Variants in GPM6A observed in about 807,000 individuals in gnomAD.
GPM6A encodes neuronal membrane glycoprotein M6-a.
Under a neutral mutation model 32.1 loss-of-function variants are expected in GPM6A, and 7 were observed. That is an observed-to-expected ratio of 0.22 (90% confidence interval 0.12 to 0.41). The LOEUF (loss-of-function observed/expected upper bound fraction) is 0.41, where lower values mean the gene tolerates loss of function less well. Ranked by LOEUF, GPM6A falls within the 10% of genes least tolerant of loss-of-function variation. GPM6A has a pLI of 1.00. For synonymous variants in GPM6A, 130 were observed against 123.4 expected, an observed-to-expected ratio of 1.05 and a Z score of -0.35; for missense variants, 235 against 347.2, an observed-to-expected ratio of 0.68 and a Z score of 2.57.
At chr4:175,645,949 C>G (rs377759128) in intron 4 of GPM6A, among the ~76,000 whole-genome samples, 1 of 152,172 alleles carries the variant, frequency 6.6e-6, no homozygotes, top group African/African-American at 2.4e-5. Flanking sequence ...CTTCCCCTGG[C>G]TCTAGGGGGG....
intron 1 of GPM6A, chr4:175,806,002 G>A (rs966785273): frequency 6.6e-6 from 1 of 152,172 alleles, no homozygotes; most frequent in African/African-American, 2.4e-5. Flanking sequence ...GGAAAAACAT[G>A]AATTATTTTT....
At chr4:175,968,959 T>C (rs1392874620) in intron 1 of GPM6A, among the ~76,000 whole-genome samples, 1 of 152,206 alleles carries the variant, frequency 6.6e-6, no homozygotes, top group Non-Finnish European at 1.5e-5. Context: ...TACACAAAAT[T>C]TATGGATATT....
chr4:175,975,674 T>C (rs974559223), intron 1 of GPM6A, among the ~76,000 whole-genome samples: 3 of 152,212 alleles, frequency 2.0e-5, no homozygotes, highest in South Asian at 2.1e-4. Context: ...CATTATTAGT[T>C]CTTATTGCAC....
intron 3 of GPM6A, among the ~76,000 whole-genome samples, chr4:175,653,242 A>C (rs1741902666): frequency 1.3e-5 from 2 of 152,154 alleles, no homozygotes; most frequent in Admixed American, 1.3e-4. Context: ...TATTGGGATT[A>C]AGGATAGCAA....
At chr4:175,664,434 A>T (rs1168794574) in intron 3 of GPM6A, among the ~76,000 whole-genome samples, 1 of 152,224 alleles carries the variant, frequency 6.6e-6, no homozygotes, top group African/African-American at 2.4e-5. Context: ...GCACATATGT[A>T]AGAAAAAGGA....
chr4:175,706,028 A>C (rs1745168824), intron 1 of GPM6A, among the ~76,000 whole-genome samples: 1 of 152,210 alleles, frequency 6.6e-6, no homozygotes, highest in Non-Finnish European at 1.5e-5. Context: ...ACTTTCCAAA[A>C]TGAAATAATA....
At chr4:175,775,014 G>A (rs1443478692) in intron 1 of GPM6A, among the ~76,000 whole-genome samples, 1 of 152,022 alleles carries the variant, frequency 6.6e-6, no homozygotes, top group Non-Finnish European at 1.5e-5. Context: ...ATAATATCAG[G>A]ATATAAGGTG....
intron 2 of GPM6A, among the ~76,000 whole-genome samples, chr4:175,695,499 T>G (rs1198862721): frequency 1.3e-5 from 2 of 152,216 alleles, no homozygotes; most frequent in East Asian, 3.8e-4. Context: ...AGCTTTAATA[T>G]TTAATGACTA....
chr4:175,714,241 A>G (rs957491832), intron 1 of GPM6A, among the ~76,000 whole-genome samples: 2 of 152,214 alleles, frequency 1.3e-5, no homozygotes, highest in Admixed American at 6.5e-5. Flanking sequence ...CAGGATATGC[A>G]TGTTAATACA....
chr4:175,671,809 T>C (rs1328842012), intron 3 of GPM6A, among the ~76,000 whole-genome samples: 1 of 152,168 alleles, frequency 6.6e-6, no homozygotes, highest in South Asian at 2.1e-4. Flanking sequence ...ATGCAGCTCC[T>C]ACTCCTGTCT....
intron 1 of GPM6A, among the ~76,000 whole-genome samples, chr4:175,945,612 A>G (rs949530585): frequency 2.6e-5 from 4 of 151,472 alleles, no homozygotes. Flanking sequence ...ATAACTTATA[A>G]GAAACATGTT....
At chr4:175,955,897 T>C (rs1249118696) in intron 1 of GPM6A, among the ~76,000 whole-genome samples, 1 of 152,212 alleles carries the variant, frequency 6.6e-6, no homozygotes, top group Non-Finnish European at 1.5e-5. Context: ...GAGCCCATTG[T>C]GTGTATCTCT....
rs367718968 is a variant in GPM6A, at chr4:175,640,842, G to A, written c.542-13C>T. ...ATTGTCACAATTCCTACAATGTGTG[G>A]GAAATGACAGTTTAGCAGTATAAAT... is the stretch of plus-strand genomic sequence containing the variant. On this transcript the variant is annotated splice_polypyrimidine_tract_variant and intron_variant, in intron 4 of 6. Transcript: ENST00000393658. 2.4e-5 allele frequency: 37 copies of A among 1,526,608 alleles called. No homozygotes were observed. The highest frequency in any genetic ancestry group is 1.7e-4 in the Middle Eastern group (1 of 5,884). The allele number at this position is 1,526,608 out of a possible 1,614,324, so 94.6% of individuals were successfully genotyped here.
intron 1 of GPM6A, among the ~76,000 whole-genome samples, chr4:175,955,698 C>T (rs1235707583): frequency 6.6e-6 from 1 of 152,130 alleles, no homozygotes; most frequent in East Asian, 1.9e-4. Flanking sequence ...TCATTCCAAG[C>T]AGTAACAACA....
At chr4:175,914,187 G>T (rs1242923335) in intron 1 of GPM6A, among the ~76,000 whole-genome samples, 3 of 152,302 alleles carry the variant, frequency 2.0e-5, no homozygotes, top group South Asian at 2.1e-4. Context: ...ATGTAGTGAG[G>T]TGAGTTGTCA....
At chr4:175,739,128 T>C (rs1342728780) in intron 1 of GPM6A, among the ~76,000 whole-genome samples, 1 of 152,182 alleles carries the variant, frequency 6.6e-6, no homozygotes, top group Admixed American at 6.5e-5. Context: ...GAAGATACTT[T>C]ATTTTAGTTT....
At chr4:175,807,616 T>C (rs535665019) in intron 1 of GPM6A, 6 of 152,336 alleles carry the variant, frequency 3.9e-5, no homozygotes, top group African/African-American at 1.4e-4. Context: ...AATTCACGAC[T>C]TACAAGTCGT....
At chr4:175,835,361 CCAGA>C (rs779111155) in intron 1 of GPM6A, among the ~76,000 whole-genome samples, 1 of 152,030 alleles carries the variant, frequency 6.6e-6, no homozygotes, top group Admixed American at 6.6e-5. Context: ...TCTTGGGGAA[CCAGA>C]CAGAGATCAT....
In GPM6A at chr4:175,690,116, G is replaced by A. The variant is rs570310121; in HGVS notation, c.230+11459C>T. 2.6e-5 allele frequency among the ~76,000 whole-genome samples: 4 copies of A among 152,296 alleles called. No homozygotes were observed. The East Asian group carries it at 5.8e-4, about 22-fold the overall frequency. ...TAAAGGTATTGGTCTGTAAATTACTGTTGAATTGATGTTTTATGGGGGACA... is the reference window on the plus strand; with the variant it reads ...TAAAGGTATTGGTCTGTAAATTACTATTGAATTGATGTTTTATGGGGGACA... On this transcript the variant is annotated intron_variant, in intron 2 of 6. Transcript: ENST00000393658.
Sources: allele counts gnomAD v4.1 joint callset (sites outside exome capture counted in the v4.1 genomes callset), GRCh38; gene constraint gnomAD v4.1.1; transcripts MANE v1.5; gene names NCBI Gene and HGNC (gene_info 2026-07-23, HGNC 2026-07-21).